The following SLC9A7 variants were observed in gnomAD, a reference collection of about 807,000 sequenced individuals.
SLC9A7 encodes the protein solute carrier family 9 member A7.
In SLC9A7, 19 loss-of-function variants were observed where a neutral mutation model predicts 52.6. The observed-to-expected ratio is 0.36, with a 90% CI of 0.25 to 0.53. The LOEUF is 0.53. Ranked by LOEUF, SLC9A7 falls within the 20% of genes least tolerant of loss-of-function variation. SLC9A7 has a pLI of 0.91. For missense variants in SLC9A7, 455 were observed against 597.9 expected, an observed-to-expected ratio of 0.76 and a Z score of 2.49; for synonymous variants, 226 against 252.1, an observed-to-expected ratio of 0.90 and a Z score of 0.98.
At chrX:46,664,087 C>G in intron 5 of SLC9A7, among the ~76,000 whole-genome samples, 1 of 111,853 alleles carries the variant, frequency 8.9e-6, no homozygotes, top group Middle Eastern at 4.6e-3. Flanking sequence ...TGACTGAGAA[C>G]CACCGATCTA....
At chrX:46,658,927 G>C (rs1943758363) in intron 7 of SLC9A7, among the ~76,000 whole-genome samples, 1 of 110,940 alleles carries the variant, frequency 9.0e-6, no homozygotes. Context: ...CCAAAAAAGA[G>C]AATTTTAGAC....
intron 12 of SLC9A7, among the ~76,000 whole-genome samples, chrX:46,639,581 A>T (rs1243386128): frequency 2.7e-5 from 3 of 110,626 alleles, no homozygotes; most frequent in Non-Finnish European, 5.7e-5. Flanking sequence ...GTCCCTGGAA[A>T]ATGCTTTCCT....
intron 16 of SLC9A7, among the ~76,000 whole-genome samples, chrX:46,609,062 G>A (rs1245092157): frequency 1.1e-5 from 1 of 91,925 alleles, no homozygotes; most frequent in African/African-American, 5.2e-5. Context: ...GTTCATCTCT[G>A]TCAAAATCTC....
At chrX:46,626,447 G>A (rs1476158788) in intron 14 of SLC9A7, among the ~76,000 whole-genome samples, 2 of 111,911 alleles carry the variant, frequency 1.8e-5, no homozygotes, top group African/African-American at 6.5e-5. Flanking sequence ...GCTAATTTTT[G>A]TATTTTTAGT....
rs1315683837 is a variant in SLC9A7 at position 46,663,638 on chromosome X, CAAAAAAAAAAAA to C, written c.794-1007_794-996del. ...GGGCAACAAGAGTGAAACTCCATCT[CAAAAAAAAAAAA>C]AAAAAAAAGGAAAGAAAGAAAAAAA... On this transcript the variant is annotated intron_variant, in intron 5 of 16. Coordinates refer to ENST00000616978, the MANE Select transcript of SLC9A7 (RefSeq NM_001257291.2). Among the ~76,000 whole-genome samples, 23 of 24,597 alleles carry C rather than the reference CAAAAAAAAAAAA, an allele frequency of 9.4e-4. 1 individual carries two copies. In the East Asian group the frequency reaches 0.034, roughly 36 times the overall value. 21.4% of individuals were successfully genotyped at this position (24,597 alleles called of 115,157 possible).
At position 46,606,789 on chromosome X, in the gene SLC9A7, G is replaced by T; in HGVS notation, c.*163C>A. On this transcript the variant is annotated 3_prime_UTR_variant, in exon 17 of 17. Transcript: ENST00000616978. Reference sequence around the variant, plus strand: ...TAGAGACACTTTTGCCTCACCATCTGCATTGTGAGTTAAATTTTAAGTGTT... The same window carrying T: ...TAGAGACACTTTTGCCTCACCATCTTCATTGTGAGTTAAATTTTAAGTGTT... 1.8e-6 allele frequency: 2 copies of T among 1,105,205 alleles called. No individual in the cohort carries two copies. Among genetic ancestry groups the T allele is most frequent in the South Asian group, 4.7e-5 (2 of 42,800 alleles). 91.1% of individuals were successfully genotyped at this position (1,105,205 alleles called of 1,213,427 possible).
intron 15 of SLC9A7, among the ~76,000 whole-genome samples, chrX:46,616,459 G>A (rs756632571): frequency 2.0e-4 from 22 of 111,309 alleles, no homozygotes; most frequent in Non-Finnish European, 3.2e-4. Flanking sequence ...CAATATAAAA[G>A]GAAATGTAAC....
chrX:46,606,155 A>T lies in SLC9A7; in HGVS notation c.*797T>A. ...GGGTGACAGAGTGAAACACCATCTC[A>T]ACAAAAAAAAAAAGTTGAATGCTTT... On this transcript the variant is annotated 3_prime_UTR_variant, in exon 17 of 17. Transcript: ENST00000616978. The T allele has an allele frequency of 1.6e-6, 1 of 641,327 alleles. No individual in the cohort carries two copies. Among genetic ancestry groups the T allele is most frequent in the Admixed American group, 8.8e-5 (1 of 11,369 alleles). 52.9% of individuals were successfully genotyped at this position (641,327 alleles called of 1,213,427 possible).
chrX:46,674,780 T>G (rs1225047059), intron 3 of SLC9A7, among the ~76,000 whole-genome samples: 1 of 111,833 alleles, frequency 8.9e-6, no homozygotes. Context: ...TCCCTTACTT[T>G]TCCTCCTCAA....
chrX:46,606,548 A>C lies in SLC9A7; in HGVS notation c.*404T>G. 1.3e-6 allele frequency: 1 copy of C among 777,694 alleles called. No individual in the cohort carries two copies. Among genetic ancestry groups the C allele is most frequent in the Non-Finnish European group, 1.5e-6 (1 of 653,983 alleles). 64.1% of individuals were successfully genotyped at this position (777,694 alleles called of 1,213,427 possible). On this transcript the variant is annotated 3_prime_UTR_variant, in exon 17 of 17. Coordinates refer to ENST00000616978, the MANE Select transcript of SLC9A7 (RefSeq NM_001257291.2). Reference sequence around the variant, plus strand: ...TGCCTTCCTTCTCTTTAACTTGATAATTCTATGGTCAGCTTGACTTGCACT... The same window carrying C: ...TGCCTTCCTTCTCTTTAACTTGATACTTCTATGGTCAGCTTGACTTGCACT...
In SLC9A7 at chrX:46,717,390, C is replaced by CT. The variant is rs75437539; in HGVS notation, c.326-34856dup. On this transcript the variant is annotated intron_variant, in intron 1 of 16. Coordinates refer to ENST00000616978, the MANE Select transcript of SLC9A7 (RefSeq NM_001257291.2). ...ATACTGATGTAGGGTCATCCAAAAT[C>CT]TTTTTTTTGAGACACAGTCTGCTCT... Among the ~76,000 whole-genome samples the CT allele has an allele frequency of 2.4e-4, 27 of 111,505 alleles. No individual in the cohort carries two copies. The East Asian group carries it at 5.1e-3, about 21-fold the overall frequency.
intron 1 of SLC9A7, among the ~76,000 whole-genome samples, chrX:46,701,661 A>G (rs927358944): frequency 9.0e-6 from 1 of 111,647 alleles, no homozygotes; most frequent in Non-Finnish European, 1.9e-5. Context: ...TAGATATAGT[A>G]CACCTCAGGG....
chrX:46,608,612 G>A (rs1014325960), intron 16 of SLC9A7, among the ~76,000 whole-genome samples: 1 of 111,931 alleles, frequency 8.9e-6, no homozygotes, highest in Non-Finnish European at 1.9e-5. Flanking sequence ...AGAAAGTCCC[G>A]AAACTCAATC....
chrX:46,715,664 T>C (rs1199572115), intron 1 of SLC9A7, among the ~76,000 whole-genome samples: 3 of 112,093 alleles, frequency 2.7e-5, no homozygotes, highest in Admixed American at 9.5e-5. Context: ...ACTTACAATT[T>C]TTCCCCTTTA....
chrX:46,678,606 T>C (rs1944160940), intron 3 of SLC9A7, among the ~76,000 whole-genome samples: 1 of 108,581 alleles, frequency 9.2e-6, no homozygotes, highest in African/African-American at 3.4e-5. Context: ...CCAGCTAATT[T>C]TTTTGCTTTT....
chrX:46,747,916 A>T (rs904985224), intron 1 of SLC9A7, among the ~76,000 whole-genome samples: 2 of 112,001 alleles, frequency 1.8e-5, no homozygotes, highest in African/African-American at 6.5e-5. Context: ...TGGACAAATT[A>T]GAATCTTTGT....
At position 46,743,946 on chromosome X, in the gene SLC9A7, A is replaced by G. The variant is rs192472189; in HGVS notation, c.325+14759T>C. Among the ~76,000 whole-genome samples the G allele has an allele frequency of 6.2e-5, 7 of 112,250 alleles. No homozygotes were observed. In the East Asian group the frequency reaches 2.0e-3, roughly 31 times the overall value. On this transcript the variant is annotated intron_variant, in intron 1 of 16. Coordinates refer to ENST00000616978, the MANE Select transcript of SLC9A7 (RefSeq NM_001257291.2). ...ACTCAGTGCCTGATGTAAAAGTTAC[A>G]TTCAGGTTCAGCAGCAAATAACAAA...
chrX:46,738,499 G>A (rs1921052599), intron 1 of SLC9A7, among the ~76,000 whole-genome samples: 1 of 112,241 alleles, frequency 8.9e-6, no homozygotes, highest in African/African-American at 3.2e-5. Context: ...GCCTGGCATG[G>A]TGGCTCATGC....
chrX:46,687,297 C>G (rs1944310748), intron 1 of SLC9A7, among the ~76,000 whole-genome samples: 2 of 112,042 alleles, frequency 1.8e-5, no homozygotes, highest in Non-Finnish European at 3.8e-5. Context: ...ATGTAAGGTA[C>G]TGAGGGTAGG....
Sources: allele counts gnomAD v4.1 joint callset (sites outside exome capture counted in the v4.1 genomes callset), GRCh38; gene constraint gnomAD v4.1.1; transcripts MANE v1.5; gene names NCBI Gene and HGNC (gene_info 2026-07-23, HGNC 2026-07-21).